Variants in ZFP1 observed in about 807,000 individuals in gnomAD.
ZFP1 encodes zinc finger protein 1 homolog.
In ZFP1, 32 loss-of-function variants were observed where a neutral mutation model predicts 38.5. That is an observed-to-expected ratio of 0.83 (90% CI 0.63 to 1.12). The LOEUF (loss-of-function observed/expected upper bound fraction) is 1.12. ZFP1 is among the 50% of genes most tolerant of loss of function. The pLI, the probability that ZFP1 is intolerant of heterozygous loss-of-function variation, is 0.00. For missense variants in ZFP1, 616 were observed against 480.8 expected (o/e 1.28, Z -2.63); for synonymous variants, 245 against 168.8 (o/e 1.45, Z -3.50).
intron 1 of ZFP1, among the ~76,000 whole-genome samples, chr16:75,149,751 C>G (rs556052257): frequency 6.6e-5 from 10 of 151,724 alleles, no homozygotes; most frequent in African/African-American, 2.4e-4. Flanking sequence ...GTAACTGTTC[C>G]TCTAAATACT....
At chr16:75,147,150 A>C (rs954649498), upstream of ZFP1, among the ~76,000 whole-genome samples, 7 of 152,170 alleles carry the variant, frequency 4.6e-5, no homozygotes, top group Non-Finnish European at 1.0e-4. Context: ...AATGGAGCAC[A>C]GATGATTTTT....
At chr16:75,150,097 T>C (rs1009115874) in intron 1 of ZFP1, among the ~76,000 whole-genome samples, 7 of 152,196 alleles carry the variant, frequency 4.6e-5, no homozygotes, top group Non-Finnish European at 8.8e-5. Flanking sequence ...TTTATTGTGT[T>C]TTCATTACCA....
the ZFP1 span, among the ~76,000 whole-genome samples, chr16:75,135,751 A>G: frequency 2.2e-5 from 3 of 135,784 alleles, no homozygotes. Flanking sequence ...CAAAACCTAT[A>G]GAACTTTACC....
intron 1 of ZFP1, 69 bp downstream of exon 1, chr16:75,148,712 C>T (rs1033383470): frequency 2.0e-5 from 3 of 152,378 alleles, no homozygotes; most frequent in East Asian, 1.9e-4. Flanking sequence ...GGGATGGGCT[C>T]GTGCCCGCGC....
At chr16:75,145,613 G>A (rs367656551), upstream of ZFP1, among the ~76,000 whole-genome samples, 9 of 152,204 alleles carry the variant, frequency 5.9e-5, no homozygotes, top group East Asian at 1.3e-3. Flanking sequence ...TGCAGAGCAA[G>A]GTGGTGGAGA....
chr16:75,131,224 G>A, the ZFP1 span, among the ~76,000 whole-genome samples: 1 of 152,170 alleles, frequency 6.6e-6, no homozygotes, highest in Non-Finnish European at 1.5e-5. Flanking sequence ...TCAGGAGCAT[G>A]AGGAGGGAAG....
chr16:75,151,048 G>A (rs1261014809), intron 1 of ZFP1, among the ~76,000 whole-genome samples: 4 of 151,998 alleles, frequency 2.6e-5, no homozygotes, highest in Non-Finnish European at 4.4e-5. Flanking sequence ...TTGTAGAGAC[G>A]AGGTTTTGCC....
At chr16:75,137,904 A>G in the ZFP1 span, among the ~76,000 whole-genome samples, 2 of 152,122 alleles carry the variant, frequency 1.3e-5, no homozygotes, top group African/African-American at 2.4e-5. Flanking sequence ...GTCCAAATAA[A>G]TAAATAAATG....
At chr16:75,157,212 G>T (rs1202851205) in intron 2 of ZFP1, 1 of 147,060 alleles carries the variant, frequency 6.8e-6, no homozygotes, top group Non-Finnish European at 1.5e-5. Context: ...TTTGTGAGAG[G>T]TATGTTTTTT....
chr16:75,146,458 C>T (rs966665363), upstream of ZFP1, among the ~76,000 whole-genome samples: 3 of 152,132 alleles, frequency 2.0e-5, no homozygotes, highest in African/African-American at 7.2e-5. Flanking sequence ...TGAGCCACTG[C>T]ACCCGGCCGC....
At chr16:75,154,025 T>C (rs914894402) in intron 2 of ZFP1, among the ~76,000 whole-genome samples, 3 of 152,192 alleles carry the variant, frequency 2.0e-5, no homozygotes, top group African/African-American at 4.8e-5. Flanking sequence ...AAGACAATGC[T>C]GGCCAACACG....
At chr16:75,127,250 G>A in the ZFP1 span, among the ~76,000 whole-genome samples, 1 of 152,094 alleles carries the variant, frequency 6.6e-6, no homozygotes, top group African/African-American at 2.4e-5. Flanking sequence ...ACTCTAACAG[G>A]TGCTCTTTTT....
At chr16:75,163,133 T>G (rs1482618839) in intron 2 of ZFP1, among the ~76,000 whole-genome samples, 2 of 151,876 alleles carry the variant, frequency 1.3e-5, no homozygotes, top group African/African-American at 4.8e-5. Flanking sequence ...GGTCTCGAAC[T>G]CCTGACCTCG....
the ZFP1 span, among the ~76,000 whole-genome samples, chr16:75,125,612 C>T: frequency 2.0e-5 from 3 of 152,042 alleles, no homozygotes; most frequent in Non-Finnish European, 4.4e-5. Context: ...CCTGAGCCAC[C>T]GTGCCCAGCT....
At chr16:75,150,931 C>A (rs921378899) in intron 1 of ZFP1, among the ~76,000 whole-genome samples, 1 of 152,082 alleles carries the variant, frequency 6.6e-6, no homozygotes, top group Non-Finnish European at 1.5e-5. Context: ...CTCAGCCTCC[C>A]GAGTAGCTAG....
chr16:75,147,657 T>C (rs1377458583), upstream of ZFP1, among the ~76,000 whole-genome samples: 1 of 152,066 alleles, frequency 6.6e-6, no homozygotes, highest in East Asian at 1.9e-4. Context: ...ATATCAACTT[T>C]GGGGAGGTTG....
intron 2 of ZFP1, among the ~76,000 whole-genome samples, chr16:75,155,584 G>A (rs796780211): frequency 1.6e-4 from 24 of 152,212 alleles, no homozygotes; most frequent in African/African-American, 5.8e-4. Flanking sequence ...CTCTTTAAAT[G>A]TGTTATAACA....
In ZFP1 at chr16:75,172,200, T is replaced by G. The variant is rs2038474463; in HGVS notation, c.*1866T>G. The G allele has an allele frequency of 6.6e-6, 1 of 152,218 alleles. No homozygotes were observed. The highest frequency in any genetic ancestry group is 2.4e-5 in the African/African-American group (1 of 41,458). The allele number at this position is 152,218 out of a possible 1,614,324, so 9.4% of individuals were successfully genotyped here. A position where few individuals can be genotyped will look rare whatever the true frequency, so the allele number is the denominator to read the frequency against. ...GAGAGAGAGAGTGTATGTGTGTGTG[T>G]AGCAGTTTTTATAAAATAAAGATAA... On this transcript the variant is annotated 3_prime_UTR_variant, in exon 4 of 4. Transcript: ENST00000570010.
At chr16:75,119,307 A>C in the ZFP1 span, among the ~76,000 whole-genome samples, 1 of 152,202 alleles carries the variant, frequency 6.6e-6, no homozygotes, top group Non-Finnish European at 1.5e-5. Context: ...CCAATAGGAC[A>C]ATTTGCTGAG....
Sources: allele counts gnomAD v4.1 joint callset (sites outside exome capture counted in the v4.1 genomes callset), GRCh38; gene constraint gnomAD v4.1.1; transcripts MANE v1.5; gene names NCBI Gene and HGNC (gene_info 2026-07-23, HGNC 2026-07-21).